The following TEX264 variants were observed in gnomAD, a reference collection of about 807,000 sequenced individuals.
TEX264 encodes the protein testis-expressed protein 264.
A neutral mutation model predicts 23.4 loss-of-function variants in TEX264; 13 were observed. The observed-to-expected ratio is 0.56, with a 90% CI of 0.36 to 0.88. The LOEUF is 0.88. Among genes scored for constraint, TEX264 ranks in the 40% least tolerant of loss-of-function variants. The pLI is 0.01. For synonymous variants in TEX264, 159 were observed against 170.0 expected (o/e 0.94, Z 0.50); for missense variants, 340 against 406.8 (o/e 0.84, Z 1.41).
intron 3 of TEX264, among the ~76,000 whole-genome samples, chr3:51,698,172 A>G (rs1375265532): frequency 6.6e-6 from 1 of 151,718 alleles, no homozygotes; most frequent in Non-Finnish European, 1.5e-5. Flanking sequence ...CTTTCCCTTT[A>G]TCATCCGTGG....
chr3:51,680,077 C>T (rs1306168541), intron 2 of TEX264, among the ~76,000 whole-genome samples: 1 of 152,206 alleles, frequency 6.6e-6, no homozygotes, highest in Non-Finnish European at 1.5e-5. Flanking sequence ...TCTACTTTCC[C>T]CCTTAACTTG....
chr3:51,674,610 C>G (rs1702171044), intron 2 of TEX264, 48 bp downstream of exon 2: 10 of 1,595,898 alleles, frequency 6.3e-6, no homozygotes, highest in Admixed American at 1.7e-5. Flanking sequence ...CCTGGTGGGC[C>G]AGGGCTTCTT....
chr3:51,673,116 A>G (rs1469604270), intron 1 of TEX264, among the ~76,000 whole-genome samples: 1 of 152,220 alleles, frequency 6.6e-6, no homozygotes, highest in South Asian at 2.1e-4. Context: ...ACCCACAGGG[A>G]AGAAATAATT....
At position 51,693,170 on chromosome 3, in the gene TEX264, C is replaced by T. The variant is rs753249943; in HGVS notation, c.481-6236C>T. Among the ~76,000 whole-genome samples, 7 of 152,222 alleles carry T rather than the reference C, an allele frequency of 4.6e-5. No individual in the cohort carries two copies. In the South Asian group the frequency reaches 6.2e-4, roughly 14 times the overall value. On this transcript the variant is annotated intron_variant, in intron 3 of 4. Coordinates refer to ENST00000341333, the MANE Select transcript of TEX264 (RefSeq NM_015926.6). ...ACACCGAGGAAGCCAGGGCCTGCGT[C>T]GTGCCAGGGAGATGAATAGAGGTGT...
chr3:51,689,252 C>T (rs933007058), intron 3 of TEX264, among the ~76,000 whole-genome samples: 4 of 151,656 alleles, frequency 2.6e-5, no homozygotes, highest in Non-Finnish European at 5.9e-5. Flanking sequence ...GGTGAAACCT[C>T]GTCTCTACAG....
chr3:51,693,964 GATC>G (rs779380714), intron 3 of TEX264, among the ~76,000 whole-genome samples: 84 of 151,740 alleles, frequency 5.5e-4, no homozygotes, highest in Non-Finnish European at 9.9e-4. Flanking sequence ...CTTCTTTTGA[GATC>G]ATCTATTCTA....
chr3:51,704,051 G>C lies in TEX264; in HGVS notation c.*35G>C, dbSNP rs1392007410. ...TGCACCCTCCTGCAGTGCAGTTGCT[G>C]AGGAACTGAGCAGACTCTCCAGCAG... On this transcript the variant is annotated 3_prime_UTR_variant, in exon 5 of 5. Coordinates refer to ENST00000341333, the MANE Select transcript of TEX264 (RefSeq NM_015926.6). 7.7e-6 allele frequency: 11 copies of C among 1,433,356 alleles called. No individual in the cohort carries two copies. The highest frequency in any genetic ancestry group is 1.0e-5 in the Non-Finnish European group (11 of 1,093,056). The allele number at this position is 1,433,356 out of a possible 1,614,324, so 88.8% of individuals were successfully genotyped here. A position where few individuals can be genotyped will look rare whatever the true frequency, so the allele number is the denominator to read the frequency against.
chr3:51,701,628 CT>C (rs956385905), intron 4 of TEX264, among the ~76,000 whole-genome samples: 2 of 151,100 alleles, frequency 1.3e-5, no homozygotes, highest in Admixed American at 1.3e-4. Flanking sequence ...AGCTGGATTC[CT>C]TTTTTTTGTT....
intron 1 of TEX264, among the ~76,000 whole-genome samples, chr3:51,673,057 T>C (rs1702105829): frequency 6.6e-6 from 1 of 152,218 alleles, no homozygotes; most frequent in Non-Finnish European, 1.5e-5. Context: ...TACTGTGTGC[T>C]CATTGACTCC....
At chr3:51,699,375 C>A in intron 3 of TEX264, 31 bp from the exon 4 acceptor site, 1 of 1,609,238 alleles carries the variant, frequency 6.2e-7, no homozygotes, top group Non-Finnish European at 8.5e-7. Context: ...CCCTGTAGGG[C>A]TCATTCTACC....
chr3:51,689,438 A>G, intron 3 of TEX264, among the ~76,000 whole-genome samples: 1 of 150,542 alleles, frequency 6.6e-6, no homozygotes, highest in East Asian at 1.9e-4. Context: ...TCAAAAAAAT[A>G]AAAGTAAAAA....
chr3:51,684,405 T>C lies in TEX264; in HGVS notation c.259-8T>C. ...GCCAACTCTCACACCCATGCTTTGC[T>C]TCCCCAGGTGCCCCCTGATAAGTGC... On this transcript the variant is annotated splice_region_variant and splice_polypyrimidine_tract_variant and intron_variant, in intron 2 of 4. Coordinates refer to ENST00000341333, the MANE Select transcript of TEX264 (RefSeq NM_015926.6). 2 of 1,613,490 alleles carry C rather than the reference T, an allele frequency of 1.2e-6. No homozygotes were observed. Among genetic ancestry groups the C allele is most frequent in the Non-Finnish European group, 1.7e-6 (2 of 1,179,454 alleles).
chr3:51,694,130 TC>T (rs1702964164), intron 3 of TEX264, among the ~76,000 whole-genome samples: 1 of 148,226 alleles, frequency 6.7e-6, no homozygotes, highest in African/African-American at 2.5e-5. Context: ...CTTCCTTCCT[TC>T]CTTCCTTCCT....
At chr3:51,687,463 A>G (rs1702663926) in intron 3 of TEX264, among the ~76,000 whole-genome samples, 1 of 152,212 alleles carries the variant, frequency 6.6e-6, no homozygotes, top group East Asian at 1.9e-4. Flanking sequence ...CCCTGCCCTG[A>G]GGTCAGAGAA....
chr3:51,691,612 G>T lies in TEX264; in HGVS notation c.480+6978G>T, dbSNP rs191398675. ...AGATACTGGCTTGGTGGCAGTCATG[G>T]CTTGTGTATCCAGTGAGGCTGGAGT... On this transcript the variant is annotated intron_variant, in intron 3 of 4. Coordinates refer to ENST00000341333, the MANE Select transcript of TEX264 (RefSeq NM_015926.6). This position sits in a 1 kb window ranked among gnomAD's most constrained non-coding sequence, Gnocchi z 4.4. Among the ~76,000 whole-genome samples the T allele has an allele frequency of 1.3e-5, 2 of 152,324 alleles. No individual in the cohort carries two copies. The highest frequency in any genetic ancestry group is 3.9e-4 in the East Asian group (2 of 5,180).
intron 3 of TEX264, among the ~76,000 whole-genome samples, chr3:51,688,541 C>T (rs1281284438): frequency 6.6e-6 from 1 of 152,218 alleles, no homozygotes; most frequent in Non-Finnish European, 1.5e-5. Context: ...CAAAAGTGCC[C>T]TTCCCCATGG....
intron 2 of TEX264, chr3:51,682,655 T>C (rs1225696581): frequency 6.6e-6 from 1 of 152,134 alleles, no homozygotes; most frequent in Non-Finnish European, 1.5e-5. Flanking sequence ...TAAGTAGATA[T>C]TGAGGAACTG....
chr3:51,674,483 C>A lies in TEX264; in HGVS notation c.179C>A (p.Thr60Asn). The A allele has an allele frequency of 6.2e-7, 1 of 1,614,180 alleles. No individual in the cohort carries two copies. The highest frequency in any genetic ancestry group is 1.3e-5 in the African/African-American group (1 of 75,026). ...YKFHMGLYGE[T>N]GRLFTESCSI... ...TTCCACATGGGGCTCTATGGTGAGACTGGGCGGCTTTTCACTGAGAGCTGC... is the reference window on the plus strand; with the variant it reads ...TTCCACATGGGGCTCTATGGTGAGAATGGGCGGCTTTTCACTGAGAGCTGC... Residue 60 changes from threonine to asparagine, a missense_variant, in exon 2 of 5, where the codon ACT becomes AAT. Physicochemically the swap from Thr to Asn is moderately conservative, Grantham distance 65. Coordinates refer to ENST00000341333, the MANE Select transcript of TEX264 (RefSeq NM_015926.6).
At position 51,694,097 on chromosome 3, in the gene TEX264, T is replaced by G. The variant is rs149642269; in HGVS notation, c.481-5309T>G. On this transcript the variant is annotated intron_variant, in intron 3 of 4. Coordinates refer to ENST00000341333, the MANE Select transcript of TEX264 (RefSeq NM_015926.6). ...CTTCCTTCCGTCCGTCCTTCCTTCCTTCCTTCCTTCCTTCCTTCCTTCCTT... is the reference window on the plus strand; with the variant it reads ...CTTCCTTCCGTCCGTCCTTCCTTCCGTCCTTCCTTCCTTCCTTCCTTCCTT... Among the ~76,000 whole-genome samples the G allele has an allele frequency of 1.0e-3, 126 of 122,292 alleles. 1 individual carries two copies. The highest frequency in any genetic ancestry group is 1.8e-3 in the East Asian group (8 of 4,446). 80.2% of individuals were successfully genotyped at this position (122,292 alleles called of 152,430 possible). A position where few individuals can be genotyped will look rare whatever the true frequency, so the allele number is the denominator to read the frequency against.
Sources: gnomAD v4.1 joint callset for allele counts (sites outside exome capture counted in the v4.1 genomes callset) on GRCh38, gnomAD v4.1.1 for gene constraint, Gnocchi (gnomAD v3.1) non-coding constraint, MANE v1.5 for transcripts, NCBI Gene and HGNC (gene_info 2026-07-23, HGNC 2026-07-21) for gene names.